The following DYDC2 variants were observed in gnomAD, a reference collection of about 807,000 sequenced individuals.
The protein encoded by DYDC2 is DPY30 domain-containing protein 2.
In DYDC2, 19 loss-of-function variants were observed where a neutral mutation model predicts 18.7. The ratio of observed to expected loss-of-function variants is 1.02; its 90% CI spans 0.71 to 1.49. The LOEUF (loss-of-function observed/expected upper bound fraction) is 1.49, where lower values mean the gene tolerates loss of function less well. Ranked by LOEUF, DYDC2 falls within the 40% of genes most tolerant of loss-of-function variation. The probability of loss-of-function intolerance (pLI) is 0.00; values close to 1 mark genes in which losing one functional copy is unlikely to be tolerated. For missense variants in DYDC2, 179 were observed against 205.1 expected (o/e 0.87, Z 0.78); for synonymous variants, 63 against 67.6 (o/e 0.93, Z 0.34).
At chr10:80,356,630 CAG>C (rs1040110952), upstream of DYDC2, 5 of 985,274 alleles carry the variant, frequency 5.1e-6, no homozygotes, top group African/African-American at 8.7e-5. Context: ...GCCCAACGGT[CAG>C]AACCGCCTCT....
Position 80,368,064 on chromosome 10 carries a change from A to C in DYDC2, c.*1113A>C, listed in dbSNP as rs1843889135. The C allele has an allele frequency of 6.6e-6, 1 of 152,278 alleles. No individual in the cohort carries two copies. Among genetic ancestry groups the C allele is most frequent in the Non-Finnish European group, 1.5e-5 (1 of 68,062 alleles). 9.4% of individuals were successfully genotyped at this position (152,278 alleles called of 1,614,324 possible). A position where few individuals can be genotyped will look rare whatever the true frequency, so the allele number is the denominator to read the frequency against. ...GTAAGTATGTTGTATAAATAGACTCATACAATGTTTGTCTTTTTTGTGACT... is the reference window on the plus strand; with the variant it reads ...GTAAGTATGTTGTATAAATAGACTCCTACAATGTTTGTCTTTTTTGTGACT... On this transcript the variant is annotated 3_prime_UTR_variant, in exon 5 of 5. Coordinates refer to ENST00000256039, the MANE Select transcript of DYDC2 (RefSeq NM_032372.6).
intron 1 of DYDC2, among the ~76,000 whole-genome samples, chr10:80,346,444 CTTTTTTTTTTTTTT>C (rs1032729095): frequency 3.6e-5 from 3 of 83,360 alleles, no homozygotes; most frequent in Admixed American, 1.6e-4. Context: ...TCTTCCCTTT[CTTTTTTTTTTTTTT>C]TTTTTTTTTT....
chr10:80,362,824 G>A (rs529878991), intron 3 of DYDC2, 127 bp from the exon 4 acceptor site: 9 of 1,338,900 alleles, frequency 6.7e-6, no homozygotes, highest in South Asian at 1.5e-5. Context: ...GCAGGCTAAA[G>A]CTAGTTACAA....
At chr10:80,366,061 C>T (rs1246556306) in intron 4 of DYDC2, among the ~76,000 whole-genome samples, 1 of 104,178 alleles carries the variant, frequency 9.6e-6, no homozygotes, top group South Asian at 3.3e-4. Flanking sequence ...GAGACGGAGT[C>T]TCACTTTGTC....
upstream of DYDC2, chr10:80,356,597 G>GTC (rs1843383701): frequency 1.0e-6 from 1 of 985,538 alleles, no homozygotes; most frequent in African/African-American, 1.7e-5. Context: ...TCCGCCTCAG[G>GTC]TGAGTCCTGC....
upstream of DYDC2, chr10:80,351,840 T>C: frequency 6.8e-7 from 1 of 1,474,122 alleles, no homozygotes; most frequent in East Asian, 2.3e-5. Flanking sequence ...ATTTAGGCTG[T>C]GCCATGCTGA....
chr10:80,353,702 T>C (rs1352799569), upstream of DYDC2, among the ~76,000 whole-genome samples: 1 of 151,740 alleles, frequency 6.6e-6, no homozygotes, highest in African/African-American at 2.4e-5. Context: ...GATCCTGAAC[T>C]GTGCACTTAC....
upstream of DYDC2, among the ~76,000 whole-genome samples, chr10:80,353,666 G>A (rs1054169487): frequency 6.6e-6 from 1 of 150,424 alleles, no homozygotes; most frequent in African/African-American, 2.4e-5. Context: ...CCTGGCTAAC[G>A]GATCTCCTTC....
chr10:80,350,922 C>A (rs368135964), intron 1 of DYDC2, among the ~76,000 whole-genome samples: 1 of 152,196 alleles, frequency 6.6e-6, no homozygotes, highest in Non-Finnish European at 1.5e-5. Flanking sequence ...CTACCCCAAT[C>A]CTGCTTCAAT....
intron 1 of DYDC2, among the ~76,000 whole-genome samples, chr10:80,350,800 ATAAAT>A (rs1367623214): frequency 6.6e-6 from 1 of 152,200 alleles, no homozygotes; most frequent in African/African-American, 2.4e-5. Context: ...GAAGCTCTCT[ATAAAT>A]TAAATCAGTC....
chr10:80,352,121 T>A, upstream of DYDC2: 1 of 884,442 alleles, frequency 1.1e-6, no homozygotes. Context: ...TTATAGCCCA[T>A]CCCTGTGGAA....
At chr10:80,363,154 C>G in intron 4 of DYDC2, 81 bp downstream of exon 4, 1 of 1,445,758 alleles carries the variant, frequency 6.9e-7, no homozygotes, top group Non-Finnish European at 9.2e-7. Context: ...AGCCCAGTCC[C>G]AATCCAAGGC....
At chr10:80,365,122 T>A (rs997718378) in intron 4 of DYDC2, among the ~76,000 whole-genome samples, 4 of 152,174 alleles carry the variant, frequency 2.6e-5, no homozygotes, top group Admixed American at 2.6e-4. Flanking sequence ...ATGCATATAC[T>A]CAAAGCTTTG....
chr10:80,366,633 CT>C lies in DYDC2; in HGVS notation c.271-53del, dbSNP rs1391031254. On this transcript the variant is annotated intron_variant, in intron 4 of 4. Transcript: ENST00000256039. ...GCAATACTGTGTTTTTGCCATACAT[CT>C]TGTGTGCTTTAGTCTCTAATAATAA... The C allele has an allele frequency of 1.8e-5, 27 of 1,535,012 alleles. No homozygotes were observed. The East Asian group carries it at 5.7e-4, about 32-fold the overall frequency.
intron 2 of DYDC2, among the ~76,000 whole-genome samples, chr10:80,360,578 G>A (rs1843634196): frequency 6.6e-6 from 1 of 152,070 alleles, no homozygotes; most frequent in Non-Finnish European, 1.5e-5. Context: ...TTCAGACATA[G>A]ACACATTTGG....
At chr10:80,361,265 C>T (rs1338384340) in intron 2 of DYDC2, among the ~76,000 whole-genome samples, 1 of 152,004 alleles carries the variant, frequency 6.6e-6, no homozygotes, top group African/African-American at 2.4e-5. Context: ...GCATTTTAGG[C>T]AGGAATCCAC....
intron 2 of DYDC2, among the ~76,000 whole-genome samples, chr10:80,361,999 T>C (rs1263555796): frequency 2.6e-5 from 4 of 152,182 alleles, no homozygotes; most frequent in Non-Finnish European, 5.9e-5. Context: ...GCCCTTGCAG[T>C]GGAGAGAGCT....
At chr10:80,363,324 T>TA (rs1476545284) in intron 4 of DYDC2, among the ~76,000 whole-genome samples, 2 of 148,864 alleles carry the variant, frequency 1.3e-5, no homozygotes, top group Non-Finnish European at 3.0e-5. Flanking sequence ...TTACTGGTTT[T>TA]AAAAAAAATC....
In DYDC2 at chr10:80,362,587, A is replaced by G. The variant is rs1843696983; in HGVS notation, c.144A>G (p.Glu48=). 6.2e-7 allele frequency: 1 copy of G among 1,609,790 alleles called. No homozygotes were observed. ...ACAGGAAAACAGCAAAAGCAAAAGAAGAGGTGTGTATGTGCACTGGGACTT... is the reference window on the plus strand; with the variant it reads ...ACAGGAAAACAGCAAAAGCAAAAGAGGAGGTGTGTATGTGCACTGGGACTT... ...YHYRKTAKAK[E]ENREKKIHLQ... is the part of the protein sequence containing the mutation. The change falls in exon 3 of 5, where the codon GAA becomes GAG. Residue 48 remains glutamate (E), a synonymous_variant. Coordinates refer to ENST00000256039, the MANE Select transcript of DYDC2 (RefSeq NM_032372.6).
Sources: gnomAD v4.1 joint callset for allele counts (sites outside exome capture counted in the v4.1 genomes callset) on GRCh38, gnomAD v4.1.1 for gene constraint, MANE v1.5 for transcripts, NCBI Gene and HGNC (gene_info 2026-07-23, HGNC 2026-07-21) for gene names.